TJP3: variants seen among roughly 807,000 people sequenced by gnomAD.
TJP3 encodes the protein tight junction protein 3, also known as tight junction protein ZO-3.
Under a neutral mutation model 104.2 loss-of-function variants are expected in TJP3, and 85 were observed. That is an observed-to-expected ratio of 0.82 (90% CI 0.68 to 0.98). TJP3 has a LOEUF of 0.98. Ranked by LOEUF, TJP3 falls within the 50% of genes least tolerant of loss-of-function variation. TJP3 has a pLI of 0.00. For missense variants in TJP3, 1,367 were observed against 1,322.8 expected, an observed-to-expected ratio of 1.03 and a Z score of -0.52; for synonymous variants, 550 against 550.6, an observed-to-expected ratio of 1.00 and a Z score of 0.02.
Position 3,748,076 on chromosome 19 carries a change from G to A in TJP3, c.2605G>A (p.Ala869Thr), listed in dbSNP as rs748672686. 4.5e-6 allele frequency: 7 copies of A among 1,561,286 alleles called. No individual in the cohort carries two copies. Among genetic ancestry groups the A allele is most frequent in the South Asian group, 1.2e-5 (1 of 85,390 alleles). ...DRGRISAHQG[A>T]QVDSRHPQGQ... Reference sequence around the variant, plus strand: ...TGGGAGAATCTCGGCTCATCAGGGGGCCCAGGTGCGTCGGACATGGGGGGC... The same window carrying A: ...TGGGAGAATCTCGGCTCATCAGGGGACCCAGGTGCGTCGGACATGGGGGGC... Residue 869 changes from alanine (A) to threonine (T), a missense_variant, in exon 19 of 21, where the codon GCC (alanine) becomes ACC (threonine). By Grantham distance (58) the Ala-to-Thr change is moderately conservative. Coordinates refer to ENST00000541714, the MANE Select transcript of TJP3 (RefSeq NM_001267560.2).
At chr19:3,714,633 C>T (rs1022364636) in intron 1 of TJP3, among the ~76,000 whole-genome samples, 36 of 152,066 alleles carry the variant, frequency 2.4e-4, no homozygotes, top group African/African-American at 5.5e-4. Flanking sequence ...TTAGGCCAGG[C>T]GCAGTGGCAC....
chr19:3,730,151 A>G lies in TJP3; in HGVS notation c.261+21A>G, dbSNP rs2036649536. 1 of 1,610,480 alleles carries G rather than the reference A, an allele frequency of 6.2e-7. No homozygotes were observed. The highest frequency in any genetic ancestry group is 1.3e-5 in the African/African-American group (1 of 74,966). On this transcript the variant is annotated intron_variant, in intron 4 of 20. Coordinates refer to ENST00000541714, the MANE Select transcript of TJP3 (RefSeq NM_001267560.2). This position sits in a 1 kb window ranked among gnomAD's most constrained non-coding sequence, Gnocchi z 7.3. ...ACATCGTGAGTAGGCAGCCCCTGGC[A>G]TGGCCAGCATCTCTGACCCCAGCCT...
intron 5 of TJP3, 63 bp from the exon 6 acceptor site, chr19:3,731,872 G>T (rs747038111): frequency 2.8e-6 from 4 of 1,432,268 alleles, no homozygotes; most frequent in Non-Finnish European, 3.9e-6. Flanking sequence ...CTTACAGCAG[G>T]AGAATGCTCC....
rs749309503 is a variant in TJP3, at chr19:3,746,132, G to T, written c.2010+51G>T. On this transcript the variant is annotated intron_variant, in intron 16 of 20. Transcript: ENST00000541714. This position sits in a 1 kb window ranked among gnomAD's most constrained non-coding sequence, Gnocchi z 4.1. ...CATTTCATGGATGGGGGAAACCGAG[G>T]CCTGGGCATCCAACTGAATGTCCTG... The T allele has an allele frequency of 4.6e-6, 7 of 1,532,746 alleles. No individual in the cohort carries two copies. The highest frequency in any genetic ancestry group is 1.2e-5 in the South Asian group (1 of 84,882). 94.9% of individuals were successfully genotyped at this position (1,532,746 alleles called of 1,614,324 possible). A position where few individuals can be genotyped will look rare whatever the true frequency, so the allele number is the denominator to read the frequency against.
At chr19:3,739,484 T>C (rs1568385793) in intron 13 of TJP3, among the ~76,000 whole-genome samples, 1 of 152,042 alleles carries the variant, frequency 6.6e-6, no homozygotes, top group East Asian at 1.9e-4. Context: ...GTGAGACTCT[T>C]GTCTCAATAA....
In TJP3 at chr19:3,739,144, G is replaced by C. The variant is rs368301780; in HGVS notation, c.1631+10G>C. 2.3e-5 allele frequency: 35 copies of C among 1,519,886 alleles called. No individual in the cohort carries two copies. The highest frequency in any genetic ancestry group is 2.7e-5 in the Non-Finnish European group (31 of 1,133,168). The allele number at this position is 1,519,886 out of a possible 1,614,324, so 94.1% of individuals were successfully genotyped here. ...TTCCCAACCAGAGCAGGTGGGGACT[G>C]TGTGCTCCTGCAGTGGGGCACTTCT... On this transcript the variant is annotated intron_variant, in intron 13 of 20. Coordinates refer to ENST00000541714, the MANE Select transcript of TJP3 (RefSeq NM_001267560.2).
At chr19:3,725,502 A>G (rs2036586941) in intron 1 of TJP3, among the ~76,000 whole-genome samples, 1 of 151,102 alleles carries the variant, frequency 6.6e-6, no homozygotes, top group Admixed American at 6.6e-5. Context: ...AGACAGCCTG[A>G]CCAACATGGT....
Position 3,734,520 on chromosome 19 carries a change from C to T in TJP3, c.986+85C>T, listed in dbSNP as rs1021326346. 13 of 1,245,566 alleles carry T rather than the reference C, an allele frequency of 1.0e-5. No homozygotes were observed. The African/African-American group carries it at 2.0e-4, about 19-fold the overall frequency. The allele number at this position is 1,245,566 out of a possible 1,614,324, so 77.2% of individuals were successfully genotyped here. ...GGGGAACGCGGGCGTAGCTTTCCAA[C>T]TGGGGGTAACCTTGAGGACGCAGTC... On this transcript the variant is annotated intron_variant, in intron 8 of 20. Transcript: ENST00000541714.
intron 1 of TJP3, 113 bp from the exon 2 acceptor site, chr19:3,728,311 G>T: frequency 6.5e-7 from 1 of 1,543,084 alleles, no homozygotes; most frequent in African/African-American, 1.4e-5. Flanking sequence ...CTTGTCACAG[G>T]CTCCAAACAC....
intron 1 of TJP3, among the ~76,000 whole-genome samples, chr19:3,719,732 C>CA (rs34047272): frequency 0.11 from 9,035 of 81,184 alleles, 526 homozygotes; most frequent in Non-Finnish European, 0.13. Context: ...GACTCCGTCT[C>CA]AAAAAAAAAA....
At chr19:3,708,665 G>A (rs946914481) in intron 1 of TJP3, 104 bp downstream of exon 1, 6 of 150,796 alleles carry the variant, frequency 4.0e-5, no homozygotes, top group Admixed American at 3.9e-4. Flanking sequence ...CCCCCACCAC[G>A]AGCTGTCTCC....
Position 3,733,906 on chromosome 19 carries a change from T to C in TJP3, c.871T>C (p.Leu291=). 1.2e-6 allele frequency: 2 copies of C among 1,613,774 alleles called. No individual in the cohort carries two copies. Among genetic ancestry groups the C allele is most frequent in the Non-Finnish European group, 1.7e-6 (2 of 1,179,820 alleles). The change falls in exon 7 of 21, where the codon TTG becomes CTG. Residue 291 remains leucine (L), a synonymous_variant. Transcript: ENST00000541714. Reference sequence around the variant, plus strand: ...TGTCAGTGACAGCGACAGCTCGCCATTGGAGGGTGAGGACCTAGAGGTTAG... The same window carrying C: ...TGTCAGTGACAGCGACAGCTCGCCACTGGAGGGTGAGGACCTAGAGGTTAG... ...PAVSDSDSSP[L]EDISDLASEL... is the part of the protein sequence containing the mutation.
chr19:3,715,944 A>G (rs1379778259), intron 1 of TJP3, among the ~76,000 whole-genome samples: 1 of 151,068 alleles, frequency 6.6e-6, no homozygotes, highest in East Asian at 2.0e-4. Flanking sequence ...ACACTCGGCT[A>G]ATTTTTGTAT....
At chr19:3,724,713 T>G (rs2036580264) in intron 1 of TJP3, among the ~76,000 whole-genome samples, 1 of 152,078 alleles carries the variant, frequency 6.6e-6, no homozygotes, top group Non-Finnish European at 1.5e-5. Flanking sequence ...ATTTTTGTAT[T>G]TTTTTGTAGA....
At chr19:3,742,930 C>T (rs1317668462) in intron 14 of TJP3, among the ~76,000 whole-genome samples, 1 of 150,906 alleles carries the variant, frequency 6.6e-6, no homozygotes, top group Non-Finnish European at 1.5e-5. Context: ...TAAGCCACTG[C>T]ACCGCCAGCC....
rs112882829 is a variant in TJP3 at position 3,717,405 on chromosome 19, T to TTATATATA, written c.-10+8861_-10+8868dup. Among the ~76,000 whole-genome samples the TTATATATA allele has an allele frequency of 9.0e-4, 120 of 133,742 alleles. 1 individual carries two copies. The highest frequency in any genetic ancestry group is 1.5e-3 in the African/African-American group (58 of 38,222). The allele number at this position is 133,742 out of a possible 152,430, so 87.7% of individuals were successfully genotyped here. A position where few individuals can be genotyped will look rare whatever the true frequency, so the allele number is the denominator to read the frequency against. On this transcript the variant is annotated intron_variant, in intron 1 of 20. Coordinates refer to ENST00000541714, the MANE Select transcript of TJP3 (RefSeq NM_001267560.2). ...GTGAGCCACTGTGCCCAGCCATAGC[T>TTATATATA]TATATATATATATATATATATATAA...
chr19:3,744,492 C>A (rs188966202), intron 15 of TJP3, among the ~76,000 whole-genome samples: 1 of 151,890 alleles, frequency 6.6e-6, no homozygotes, highest in Non-Finnish European at 1.5e-5. Context: ...GGTGAAACCC[C>A]GTCTCTACTA....
chr19:3,716,657 G>T (rs1445333413), intron 1 of TJP3, among the ~76,000 whole-genome samples: 2 of 146,182 alleles, frequency 1.4e-5, no homozygotes, highest in Non-Finnish European at 3.1e-5. Flanking sequence ...ACAGCGTCTA[G>T]CTCTGTCACC....
intron 1 of TJP3, among the ~76,000 whole-genome samples, chr19:3,727,220 A>G (rs937032597): frequency 1.1e-4 from 17 of 152,262 alleles, no homozygotes; most frequent in Admixed American, 1.0e-3. Context: ...GCGGTGGCTC[A>G]TGCCTGTAAT....
Sources: gnomAD v4.1 joint callset for allele counts (sites outside exome capture counted in the v4.1 genomes callset) on GRCh38, gnomAD v4.1.1 for gene constraint, Gnocchi (gnomAD v3.1) non-coding constraint, MANE v1.5 for transcripts, NCBI Gene and HGNC (gene_info 2026-07-23, HGNC 2026-07-21) for gene names.